SHANK1: variants seen among roughly 807,000 people sequenced by gnomAD.
SHANK1 encodes the protein SH3 and multiple ankyrin repeat domains protein 1.
SHANK1 carries 35 observed loss-of-function variants against 165.6 expected under a neutral mutation model. That is an observed-to-expected ratio of 0.21 (90% CI 0.16 to 0.28). The LOEUF (loss-of-function observed/expected upper bound fraction) is 0.28. Among genes scored for constraint, SHANK1 ranks in the 10% least tolerant of loss-of-function variants. SHANK1 has a pLI of 1.00. For missense variants in SHANK1, 2,681 were observed against 3,036.4 expected (o/e 0.88, Z 2.75); for synonymous variants, 1,428 against 1,384.8 (o/e 1.03, Z -0.69).
chr19:50,715,387 G>A (rs1269656084), intron 4 of SHANK1, among the ~76,000 whole-genome samples: 1 of 152,006 alleles, frequency 6.6e-6, no homozygotes, highest in Non-Finnish European at 1.5e-5. Flanking sequence ...GAGACTCAAA[G>A]GAGGCCAGGT....
intron 15 of SHANK1, among the ~76,000 whole-genome samples, chr19:50,692,914 C>G (rs1986589574): frequency 6.7e-6 from 1 of 148,968 alleles, no homozygotes; most frequent in Non-Finnish European, 1.5e-5. Context: ...CCTAAACATC[C>G]TCCTCAGACC....
At chr19:50,665,562 G>C (rs1242298992) in intron 23 of SHANK1, among the ~76,000 whole-genome samples, 6 of 40,714 alleles carry the variant, frequency 1.5e-4, no homozygotes, top group South Asian at 1.3e-3. Context: ...GTGAGACTCT[G>C]TCTCAAAAAA....
rs977527699 is a variant in SHANK1, at chr19:50,661,013, ATAAG to A, written c.*948_*951del. Among the ~76,000 whole-genome samples the A allele has an allele frequency of 2.6e-5, 4 of 152,080 alleles. No individual in the cohort carries two copies. The South Asian group carries it at 8.3e-4, about 32-fold the overall frequency. ...GTGGAAGAATCTGGGGTTTTTAAGA[ATAAG>A]AAGGGAAAGTGCTTCAACGTAAGAA... is the stretch of plus-strand genomic sequence containing the variant. On this transcript the variant is annotated 3_prime_UTR_variant, in exon 24 of 24. Coordinates refer to ENST00000293441, the MANE Select transcript of SHANK1 (RefSeq NM_016148.5).
rs1985237096 is a variant in SHANK1, at chr19:50,661,796, C to T, written c.*169G>A. 1 of 667,974 alleles carries T rather than the reference C, an allele frequency of 1.5e-6. No individual in the cohort carries two copies. Among genetic ancestry groups the T allele is most frequent in the Admixed American group, 2.7e-5 (1 of 36,694 alleles). The allele number at this position is 667,974 out of a possible 1,614,324, so 41.4% of individuals were successfully genotyped here. On this transcript the variant is annotated 3_prime_UTR_variant, in exon 24 of 24. Coordinates refer to ENST00000293441, the MANE Select transcript of SHANK1 (RefSeq NM_016148.5). ...CCCCCCTTCAGTGAGGTGCAAATGT[C>T]CGGCCTGGATTGGGCCACCTGGTGA...
chr19:50,681,014 A>G (rs1986161905), intron 21 of SHANK1, among the ~76,000 whole-genome samples: 1 of 152,092 alleles, frequency 6.6e-6, no homozygotes, highest in African/African-American at 2.4e-5. Flanking sequence ...ACCTGATCCA[A>G]GAAGCCTCGG....
rs878959326 is a variant in SHANK1, at chr19:50,687,474, A to T, written c.2389+108T>A. The stretch of plus-strand genomic sequence containing the variant: ...CGACCCATGGACTGGGGACAGGATG[A>T]GGACAAGGACCCCTGGTCACTAACA... On this transcript the variant is annotated intron_variant, in intron 19 of 23. Transcript: ENST00000293441. 5.0e-5 allele frequency: 41 copies of T among 817,376 alleles called. No homozygotes were observed. In the South Asian group the frequency reaches 7.5e-4, roughly 15 times the overall value. The allele number at this position is 817,376 out of a possible 1,614,324, so 50.6% of individuals were successfully genotyped here.
Position 50,668,827 on chromosome 19 carries a change from G to T in SHANK1, c.3133C>A (p.Pro1045Thr). The T allele has an allele frequency of 2.4e-6, 3 of 1,275,062 alleles. No homozygotes were observed. Among genetic ancestry groups the T allele is most frequent in the East Asian group, 3.1e-5 (1 of 31,814 alleles). The allele number at this position is 1,275,062 out of a possible 1,614,324, so 79.0% of individuals were successfully genotyped here. ...CCGCCCCTCCAGCCTCGCAGGCTGG[G>T]CTGGGGCCCCAGAGCCAGGCGGGGT... ...PPPRLALGPQ[P>T]SLRGWRGGGP... Residue 1045 changes from proline to threonine, a missense_variant, in exon 23 of 24, where the codon CCC becomes ACC. Physicochemically the swap from Pro to Thr is conservative, Grantham distance 38. Around this residue, in one of 10 missense-constraint regions of SHANK1, gnomAD observed 1,713 missense variants for 1,630.2 expected, o/e 1.05. Transcript: ENST00000293441.
intron 8 of SHANK1, among the ~76,000 whole-genome samples, chr19:50,707,937 TTTTCTTTTCTTTTCTTTTC>T (rs2088964381): frequency 2.1e-5 from 2 of 94,962 alleles, no homozygotes; most frequent in African/African-American, 5.8e-5. Flanking sequence ...TTTTCTTTTC[TTTTCTTTTCTTTTCTTTTC>T]TTTTCTTTTG....
chr19:50,670,002 A>G lies in SHANK1; in HGVS notation c.2675-717T>C, dbSNP rs1178972295. 6.6e-6 allele frequency among the ~76,000 whole-genome samples: 1 copy of G among 152,108 alleles called. No individual in the cohort carries two copies. The highest frequency in any genetic ancestry group is 1.5e-5 in the Non-Finnish European group (1 of 68,008). The stretch of plus-strand genomic sequence containing the variant: ...GACTACTCCCTCTCAACTAGTGACC[A>G]GCTTCATTCACTGCCTTTCTGCTGT... On this transcript the variant is annotated intron_variant, in intron 22 of 23. Coordinates refer to ENST00000293441, the MANE Select transcript of SHANK1 (RefSeq NM_016148.5). This position sits in a 1 kb window ranked among gnomAD's most constrained non-coding sequence, Gnocchi z 4.1.
intron 6 of SHANK1, 110 bp from the exon 7 acceptor site, chr19:50,712,224 C>T (rs2123198848): frequency 1.8e-6 from 2 of 1,125,296 alleles, no homozygotes; most frequent in East Asian, 5.0e-5. Flanking sequence ...CCTACAGTGG[C>T]CAATGACAGT....
rs1227673104 is a variant in SHANK1 at position 50,702,654 on chromosome 19, G to A, written c.1560C>T (p.Ser520=). ...KRQPRGRPSS[S]GTPREGPAGG... Reference sequence around the variant, plus strand: ...CGGCTGGCCCTTCCCGGGGTGTCCCGCTGGAGCTGCGTACACAGAGGGCAT... The same window carrying A: ...CGGCTGGCCCTTCCCGGGGTGTCCCACTGGAGCTGCGTACACAGAGGGCAT... Residue 520 remains serine, a synonymous_variant, in exon 12 of 24, where the codon AGC becomes AGT. Coordinates refer to ENST00000293441, the MANE Select transcript of SHANK1 (RefSeq NM_016148.5). This position sits in a 1 kb window ranked among gnomAD's most constrained non-coding sequence, Gnocchi z 5.3. 29 of 1,565,286 alleles carry A rather than the reference G, an allele frequency of 1.9e-5. No homozygotes were observed. The highest frequency in any genetic ancestry group is 2.7e-5 in the African/African-American group (2 of 73,774).
chr19:50,701,489 G>A (rs192924447), intron 12 of SHANK1, among the ~76,000 whole-genome samples: 2 of 151,974 alleles, frequency 1.3e-5, no homozygotes, highest in East Asian at 1.9e-4. Context: ...CACCTTGTCC[G>A]GCCAAATGAT....
intron 8 of SHANK1, among the ~76,000 whole-genome samples, chr19:50,708,107 T>C (rs10424127): frequency 0.74 from 111,656 of 151,612 alleles, 41,790 homozygotes; most frequent in African/African-American, 0.85. Flanking sequence ...CCACCATGCC[T>C]GGCTAATTTT....
At chr19:50,711,562 A>G in intron 7 of SHANK1, 75 bp from the exon 8 acceptor site, 1 of 1,054,066 alleles carries the variant, frequency 9.5e-7, no homozygotes. Context: ...TCTGTCTATG[A>G]CCTGTGCACT....
At chr19:50,704,881 C>G (rs1436270304) in intron 8 of SHANK1, among the ~76,000 whole-genome samples, 2 of 150,812 alleles carry the variant, frequency 1.3e-5, no homozygotes, top group Non-Finnish European at 3.0e-5. Context: ...AGACGCCCCC[C>G]GTCTCTACAA....
At chr19:50,705,576 G>A (rs1321273927) in intron 8 of SHANK1, among the ~76,000 whole-genome samples, 1 of 152,018 alleles carries the variant, frequency 6.6e-6, no homozygotes, top group East Asian at 1.9e-4. Flanking sequence ...AGGGTGTTCT[G>A]AGCCCTGTGG....
Position 50,661,706 on chromosome 19 carries a change from G to T in SHANK1, c.*259C>A. 3 of 501,232 alleles carry T rather than the reference G, an allele frequency of 6.0e-6. No homozygotes were observed. Among genetic ancestry groups the T allele is most frequent in the Non-Finnish European group, 1.1e-5 (3 of 279,594 alleles). 31.0% of individuals were successfully genotyped at this position (501,232 alleles called of 1,614,324 possible). On this transcript the variant is annotated 3_prime_UTR_variant, in exon 24 of 24. Transcript: ENST00000293441. ...CTTCCCTCCTTCTCAATTCCCCTCTGTAATTTCTCCTATCCCCCCTCCGCT... is the reference window on the plus strand; with the variant it reads ...CTTCCCTCCTTCTCAATTCCCCTCTTTAATTTCTCCTATCCCCCCTCCGCT...
chr19:50,718,258 C>A lies in SHANK1; in HGVS notation c.-44+1148G>T, dbSNP rs2089091501. Among the ~76,000 whole-genome samples the A allele has an allele frequency of 6.6e-6, 1 of 151,840 alleles. No homozygotes were observed. On this transcript the variant is annotated intron_variant, in intron 1 of 23. Transcript: ENST00000293441. The surrounding 1 kb of genome is among the most constrained non-coding windows in gnomAD (Gnocchi z 5.1). The stretch of plus-strand genomic sequence containing the variant: ...GCGCGGCAGCGCTGCGAAGCCCCCT[C>A]CCCCTCCAGGTACCCAGCCACGCCG...
chr19:50,664,394 T>G (rs905733163), intron 23 of SHANK1, among the ~76,000 whole-genome samples: 6 of 152,204 alleles, frequency 3.9e-5, no homozygotes, highest in Non-Finnish European at 8.8e-5. Context: ...CTGGGAAGCA[T>G]CTGCATCATC....
Sources: gnomAD v4.1 joint callset for allele counts (sites outside exome capture counted in the v4.1 genomes callset) on GRCh38, gnomAD v4.1.1 for gene constraint, gnomAD v4.1.1 regional missense constraint, Gnocchi (gnomAD v3.1) non-coding constraint, MANE v1.5 for transcripts, NCBI Gene and HGNC (gene_info 2026-07-23, HGNC 2026-07-21) for gene names.